Variants in ATP10A observed in about 807,000 individuals in gnomAD.
ATP10A encodes the protein phospholipid-transporting ATPase VA.
In ATP10A, 111 loss-of-function variants were observed where a neutral mutation model predicts 147.8. The observed-to-expected ratio is 0.75, with a 90% confidence interval of 0.64 to 0.88. The LOEUF (loss-of-function observed/expected upper bound fraction) is 0.88. ATP10A is among the 40% of genes least tolerant of loss of function. The probability of loss-of-function intolerance (pLI) is 0.00; values close to 1 mark genes in which losing one functional copy is unlikely to be tolerated. For synonymous variants in ATP10A, 875 were observed against 841.6 expected (o/e 1.04, Z -0.69); for missense variants, 1,927 against 1,959.0 (o/e 0.98, Z 0.31).
intron 1 of ATP10A, among the ~76,000 whole-genome samples, chr15:25,818,082 T>G (rs1401651411): frequency 6.9e-6 from 1 of 145,976 alleles, no homozygotes; most frequent in African/African-American, 2.7e-5. Flanking sequence ...AAAATTATTT[T>G]TAAAAAAAGC....
intron 2 of ATP10A, among the ~76,000 whole-genome samples, chr15:25,768,908 C>T (rs1244677688): frequency 2.6e-5 from 4 of 152,046 alleles, no homozygotes; most frequent in Non-Finnish European, 5.9e-5. Flanking sequence ...AGGAAAAACA[C>T]TACGTATTGC....
intron 1 of ATP10A, among the ~76,000 whole-genome samples, chr15:25,832,687 G>T (rs1365559456): frequency 2.0e-5 from 3 of 151,968 alleles, no homozygotes; most frequent in African/African-American, 7.3e-5. Context: ...GAAAGGAAAT[G>T]AAAAGAGTAT....
At chr15:25,778,090 C>T (rs1205913215) in intron 2 of ATP10A, among the ~76,000 whole-genome samples, 6 of 152,054 alleles carry the variant, frequency 3.9e-5, no homozygotes, top group Non-Finnish European at 5.9e-5. Flanking sequence ...GACTGGACCC[C>T]GCTGGATACC....
chr15:25,713,659 C>T lies in ATP10A; in HGVS notation c.2344+15G>A, dbSNP rs1381698216. ...TCCCCCGAGCTGGGGTGCAGCTGGGCAGGGGTGGGAGTACCTGAAGAGCAG... is the reference window on the plus strand; with the variant it reads ...TCCCCCGAGCTGGGGTGCAGCTGGGTAGGGGTGGGAGTACCTGAAGAGCAG... On this transcript the variant is annotated intron_variant, in intron 10 of 20. Transcript: ENST00000555815. 6.2e-7 allele frequency: 1 copy of T among 1,611,686 alleles called. No individual in the cohort carries two copies.
At chr15:25,749,008 A>G (rs1888000516) in intron 2 of ATP10A, among the ~76,000 whole-genome samples, 1 of 146,798 alleles carries the variant, frequency 6.8e-6, no homozygotes, top group Non-Finnish European at 1.5e-5. Context: ...GGTTGCAATG[A>G]GCCAAGATAG....
At position 25,679,558 on chromosome 15, in the gene ATP10A, G is replaced by C; in HGVS notation, c.4283C>G (p.Ser1428Cys). 1 of 1,612,034 alleles carries C rather than the reference G, an allele frequency of 6.2e-7. No homozygotes were observed. The highest frequency in any genetic ancestry group is 8.5e-7 in the Non-Finnish European group (1 of 1,178,436). ...ASTGRVTPLSSLFSLPTFSLL... is the reference protein window; with the variant it reads ...ASTGRVTPLSCLFSLPTFSLL... ...GCTGAAGGTAGGCAGGCTGAAGAGG[G>C]AAGACAGGGGGGTCACCCTGCCGGT... The change falls in exon 21 of 21, where the codon TCC becomes TGC. Residue 1428 changes from serine to cysteine, a missense_variant. By Grantham distance (112) the Ser-to-Cys change is moderately radical (BLOSUM62 -1). Coordinates refer to ENST00000555815, the MANE Select transcript of ATP10A (RefSeq NM_024490.4).
intron 2 of ATP10A, among the ~76,000 whole-genome samples, chr15:25,759,993 A>G (rs1253229608): frequency 1.3e-5 from 2 of 150,498 alleles, no homozygotes; most frequent in African/African-American, 4.9e-5. Flanking sequence ...TTTGAGATGA[A>G]GTCTCACTCC....
intron 7 of ATP10A, among the ~76,000 whole-genome samples, chr15:25,719,771 C>T (rs1902097667): frequency 6.6e-6 from 1 of 152,198 alleles, no homozygotes; most frequent in South Asian, 2.1e-4. Context: ...TGGGCATGCA[C>T]AGCCAGCTAG....
At chr15:25,864,717 G>T (rs1044826693), upstream of ATP10A, among the ~76,000 whole-genome samples, 3 of 152,204 alleles carry the variant, frequency 2.0e-5, no homozygotes, top group African/African-American at 7.2e-5. Context: ...GTTGGGGAAA[G>T]GAGTCAGGTC....
intron 1 of ATP10A, among the ~76,000 whole-genome samples, chr15:25,823,792 A>G (rs1891991777): frequency 6.6e-6 from 1 of 152,222 alleles, no homozygotes; most frequent in Non-Finnish European, 1.5e-5. Flanking sequence ...TAATAAGCAA[A>G]CTTAAAGTTA....
chr15:25,784,585 G>T (rs972335875), intron 1 of ATP10A, among the ~76,000 whole-genome samples: 1 of 152,250 alleles, frequency 6.6e-6, no homozygotes, highest in Admixed American at 6.5e-5. Flanking sequence ...TTGTGGGAGT[G>T]GGGGAAGGGG....
At chr15:25,712,610 A>C (rs1428278720) in intron 10 of ATP10A, among the ~76,000 whole-genome samples, 1 of 152,194 alleles carries the variant, frequency 6.6e-6, no homozygotes, top group Non-Finnish European at 1.5e-5. Flanking sequence ...GGATGTAAAC[A>C]AGAATCGATT....
intron 1 of ATP10A, among the ~76,000 whole-genome samples, chr15:25,831,661 G>A (rs1892362573): frequency 6.6e-6 from 1 of 152,136 alleles, no homozygotes; most frequent in Non-Finnish European, 1.5e-5. Context: ...GTACCAAGGG[G>A]AACCTGCACC....
chr15:25,732,480 C>A (rs550063948), intron 3 of ATP10A, among the ~76,000 whole-genome samples: 1 of 152,112 alleles, frequency 6.6e-6, no homozygotes, highest in South Asian at 2.1e-4. Flanking sequence ...CATTCCACAC[C>A]CCCAAACCCT....
intron 12 of ATP10A, among the ~76,000 whole-genome samples, chr15:25,705,009 G>A (rs1176277570): frequency 2.6e-5 from 4 of 152,190 alleles, no homozygotes; most frequent in South Asian, 2.1e-4. Context: ...CAAGGACGCC[G>A]GGGAAAATGA....
intron 1 of ATP10A, among the ~76,000 whole-genome samples, chr15:25,828,513 A>G (rs890674052): frequency 1.1e-4 from 16 of 152,224 alleles, no homozygotes; most frequent in Admixed American, 2.6e-4. Context: ...ACATACGTGG[A>G]CATTAAACAA....
chr15:25,695,646 C>T (rs1900293279), intron 13 of ATP10A, among the ~76,000 whole-genome samples: 1 of 151,972 alleles, frequency 6.6e-6, no homozygotes, highest in Admixed American at 6.6e-5. Flanking sequence ...AGAGACTGAA[C>T]TGGTCTAGGT....
chr15:25,813,184 G>C (rs976138047), intron 1 of ATP10A, among the ~76,000 whole-genome samples: 1 of 152,150 alleles, frequency 6.6e-6, no homozygotes, highest in African/African-American at 2.4e-5. Flanking sequence ...AAGACCCAAT[G>C]GTAAAAGCAA....
chr15:25,782,519 G>A (rs943943727), intron 1 of ATP10A, among the ~76,000 whole-genome samples: 3 of 152,080 alleles, frequency 2.0e-5, no homozygotes, highest in African/African-American at 7.2e-5. Context: ...GTTAAGCCAC[G>A]TTAAGCCAAA....
Sources: gnomAD v4.1 joint callset for allele counts (sites outside exome capture counted in the v4.1 genomes callset) on GRCh38, gnomAD v4.1.1 for gene constraint, MANE v1.5 for transcripts, NCBI Gene and HGNC (gene_info 2026-07-23, HGNC 2026-07-21) for gene names.